Variants in LRRIQ1 observed in about 807,000 individuals in gnomAD.
The protein encoded by LRRIQ1 is leucine-rich repeat- and IQ domain-containing protein 1.
LRRIQ1 carries 210 observed loss-of-function variants against 211.9 expected under a neutral mutation model. The ratio of observed to expected loss-of-function variants is 0.99; its 90% CI spans 0.89 to 1.11. The LOEUF is 1.11. Ranked by LOEUF, LRRIQ1 falls within the 50% of genes most tolerant of loss-of-function variation. LRRIQ1 has a pLI of 0.00. For synonymous variants in LRRIQ1, 699 were observed against 650.1 expected (o/e 1.08, Z -1.14); for missense variants, 2,136 against 1,939.5 (o/e 1.10, Z -1.90).
intron 1 of LRRIQ1, among the ~76,000 whole-genome samples, chr12:85,261,148 G>T (rs985244542): frequency 6.6e-6 from 1 of 152,056 alleles, no homozygotes; most frequent in Non-Finnish European, 1.5e-5. Context: ...CTCTAGCTCC[G>T]TTACAGACTA....
chr12:85,228,957 A>C (rs1293733892), intron 24 of LRRIQ1, among the ~76,000 whole-genome samples: 1 of 152,168 alleles, frequency 6.6e-6, no homozygotes, highest in African/African-American at 2.4e-5. Flanking sequence ...TAAACCAAAA[A>C]TGGAGCAGTC....
At chr12:85,173,812 T>C (rs956524186) in intron 24 of LRRIQ1, among the ~76,000 whole-genome samples, 4 of 152,108 alleles carry the variant, frequency 2.6e-5, no homozygotes, top group Non-Finnish European at 5.9e-5. Context: ...GGTTAGGGTT[T>C]CAACGTATGA....
At chr12:85,066,960 T>C (rs1882505224) in intron 10 of LRRIQ1, 62 bp downstream of exon 10, 1 of 982,684 alleles carries the variant, frequency 1.0e-6, no homozygotes, top group Non-Finnish European at 1.4e-6. Context: ...GTGTTTTATT[T>C]ATTCCTTTTT....
At chr12:85,139,992 T>C (rs1344050812) in intron 19 of LRRIQ1, among the ~76,000 whole-genome samples, 1 of 143,410 alleles carries the variant, frequency 7.0e-6, no homozygotes, top group African/African-American at 2.4e-5. Flanking sequence ...AGCTATTTAT[T>C]CTCAGGAAAA....
Position 85,057,006 on chromosome 12 carries a change from T to C in LRRIQ1, c.2213T>C (p.Ile738Thr). The C allele has an allele frequency of 6.2e-7, 1 of 1,605,856 alleles. No individual in the cohort carries two copies. ...CVSESTLLYSIEERRLAWIKS... is the reference protein window; with the variant it reads ...CVSESTLLYSTEERRLAWIKS... ...TCAGAGTCAACCCTTCTATATTCTATTGAAGAAAGGAGACTAGCCTGGATA... is the reference window on the plus strand; with the variant it reads ...TCAGAGTCAACCCTTCTATATTCTACTGAAGAAAGGAGACTAGCCTGGATA... Residue 738 changes from isoleucine to threonine, a missense_variant, in exon 8 of 27, where the codon ATT becomes ACT. Coordinates refer to ENST00000393217, the MANE Select transcript of LRRIQ1 (RefSeq NM_001079910.2).
chr12:85,258,958 C>T (rs1008827114), intron 1 of LRRIQ1, among the ~76,000 whole-genome samples: 9 of 151,832 alleles, frequency 5.9e-5, no homozygotes, highest in African/African-American at 1.9e-4. Flanking sequence ...CAAAACACAA[C>T]ATATATATAG....
chr12:85,147,601 A>G (rs1300774337), intron 19 of LRRIQ1, among the ~76,000 whole-genome samples: 1 of 151,796 alleles, frequency 6.6e-6, no homozygotes, highest in Non-Finnish European at 1.5e-5. Context: ...TCACTGAACC[A>G]GGCTCAAGAA....
chr12:85,253,967 T>G (rs1896018219), intron 1 of LRRIQ1, among the ~76,000 whole-genome samples: 1 of 152,014 alleles, frequency 6.6e-6, no homozygotes, highest in South Asian at 2.1e-4. Flanking sequence ...AAGTGGGGAC[T>G]GAAAGGGAGA....
chr12:85,214,544 A>C (rs1893987083), intron 24 of LRRIQ1, among the ~76,000 whole-genome samples: 1 of 152,010 alleles, frequency 6.6e-6, no homozygotes, highest in Admixed American at 6.6e-5. Flanking sequence ...GGGAAAGGTA[A>C]GGATATAGAA....
At chr12:85,157,593 G>T (rs1188469353) in intron 23 of LRRIQ1, among the ~76,000 whole-genome samples, 1 of 151,918 alleles carries the variant, frequency 6.6e-6, no homozygotes, top group Non-Finnish European at 1.5e-5. Flanking sequence ...ATTCAGTAGT[G>T]CAGTGAAGAA....
intron 13 of LRRIQ1, among the ~76,000 whole-genome samples, chr12:85,101,483 C>T (rs894658734): frequency 2.6e-5 from 4 of 151,662 alleles, no homozygotes; most frequent in African/African-American, 7.3e-5. Flanking sequence ...TGCTTTTTGT[C>T]GTCTTTGAAA....
At chr12:85,082,367 G>A (rs768654848) in intron 11 of LRRIQ1, among the ~76,000 whole-genome samples, 1 of 152,082 alleles carries the variant, frequency 6.6e-6, no homozygotes, top group Non-Finnish European at 1.5e-5. Context: ...ACATTGATGT[G>A]TCTAGGCAGG....
Position 85,191,573 on chromosome 12 carries a change from A to G in LRRIQ1, c.4822+30859A>G, listed in dbSNP as rs555962690. Among the ~76,000 whole-genome samples the G allele has an allele frequency of 5.9e-5, 9 of 152,168 alleles. No homozygotes were observed. The East Asian group carries it at 1.4e-3, about 23-fold the overall frequency. On this transcript the variant is annotated intron_variant, in intron 24 of 26. Coordinates refer to ENST00000393217, the MANE Select transcript of LRRIQ1 (RefSeq NM_001079910.2). ...GTTTATGTAACCATCCACCTACTGA[A>G]GGACATCTTAGTTGTTCTGAAGTTT...
rs1376184537 is a variant in LRRIQ1, at chr12:85,121,019, G to T, written c.3378-678G>T. Among the ~76,000 whole-genome samples, 4 of 152,112 alleles carry T rather than the reference G, an allele frequency of 2.6e-5. No individual in the cohort carries two copies. The East Asian group carries it at 7.7e-4, about 29-fold the overall frequency. On this transcript the variant is annotated intron_variant, in intron 15 of 26. Transcript: ENST00000393217. ...AGCCTCGCTCTGTCACCAGGCTGGA[G>T]AGCAGTGGCACGATCTTGGGTCACT...
At chr12:85,114,154 T>C (rs1887397259) in intron 15 of LRRIQ1, among the ~76,000 whole-genome samples, 1 of 151,604 alleles carries the variant, frequency 6.6e-6, no homozygotes, top group Non-Finnish European at 1.5e-5. Flanking sequence ...AAACTTCTCA[T>C]ACAAAAACAA....
chr12:85,124,710 T>C (rs971701400), intron 17 of LRRIQ1, 191 bp downstream of exon 17: 2 of 514,998 alleles, frequency 3.9e-6, no homozygotes, highest in African/African-American at 1.9e-5. Context: ...ATAGTGCATA[T>C]TAATTTGATT....
At chr12:85,240,206 C>A (rs1895397797) in intron 26 of LRRIQ1, among the ~76,000 whole-genome samples, 1 of 151,986 alleles carries the variant, frequency 6.6e-6, no homozygotes, top group Non-Finnish European at 1.5e-5. Context: ...TTATTTCTGT[C>A]AAAAGCAAAT....
chr12:85,038,615 A>G lies in LRRIQ1; in HGVS notation c.132+307A>G, dbSNP rs557908187. ...TCAAAATGGTTACTTTTGGAAATAA[A>G]ACAAATTATCCTTTTATTTGTGTAT... is the stretch of plus-strand genomic sequence containing the variant. On this transcript the variant is annotated intron_variant, in intron 2 of 26. Coordinates refer to ENST00000393217, the MANE Select transcript of LRRIQ1 (RefSeq NM_001079910.2). Among the ~76,000 whole-genome samples the G allele has an allele frequency of 9.9e-5, 15 of 151,836 alleles. 1 individual carries two copies. In the South Asian group the frequency reaches 1.9e-3, roughly 19 times the overall value.
At chr12:85,242,754 T>C (rs1413037632) in intron 26 of LRRIQ1, among the ~76,000 whole-genome samples, 1 of 151,894 alleles carries the variant, frequency 6.6e-6, no homozygotes, top group Non-Finnish European at 1.5e-5. Flanking sequence ...ATGAAATTTC[T>C]AGGTTTGCTT....
Sources: allele counts gnomAD v4.1 joint callset (sites outside exome capture counted in the v4.1 genomes callset), GRCh38; gene constraint gnomAD v4.1.1; transcripts MANE v1.5; gene names NCBI Gene and HGNC (gene_info 2026-07-23, HGNC 2026-07-21).